KCTD21: variants seen among roughly 807,000 people sequenced by gnomAD.
KCTD21 encodes the protein BTB/POZ domain-containing protein KCTD21.
In KCTD21, 9 loss-of-function variants were observed where a neutral mutation model predicts 13.2. That is an observed-to-expected ratio of 0.68 (90% CI 0.41 to 1.19). The LOEUF (loss-of-function observed/expected upper bound fraction) is 1.19. Among genes scored for constraint, KCTD21 ranks in the 50% most tolerant of loss-of-function variants. The pLI is 0.01. For synonymous variants in KCTD21, 142 were observed against 137.4 expected (o/e 1.03, Z -0.23); for missense variants, 303 against 336.5 (o/e 0.90, Z 0.78).
rs987138614 is a variant in KCTD21 at position 78,171,673 on chromosome 11, T to G, written c.*2099A>C. 6.6e-6 allele frequency: 1 copy of G among 152,216 alleles called. No homozygotes were observed. Among genetic ancestry groups the G allele is most frequent in the African/African-American group, 2.4e-5 (1 of 41,452 alleles). The allele number at this position is 152,216 out of a possible 1,614,324, so 9.4% of individuals were successfully genotyped here. A position where few individuals can be genotyped will look rare whatever the true frequency, so the allele number is the denominator to read the frequency against. ...GGAGTCTCTCTGCAATGGCACACTCTCAGCTCACTGCAACCTCTGCTATCT... is the reference window on the plus strand; with the variant it reads ...GGAGTCTCTCTGCAATGGCACACTCGCAGCTCACTGCAACCTCTGCTATCT... On this transcript the variant is annotated 3_prime_UTR_variant, in exon 2 of 2. Transcript: ENST00000340067.
At chr11:78,176,596 C>T (rs555897988) in intron 1 of KCTD21, among the ~76,000 whole-genome samples, 1 of 152,268 alleles carries the variant, frequency 6.6e-6, no homozygotes, top group Non-Finnish European at 1.5e-5. Context: ...CAGTATTACC[C>T]CCAGAAGAGC....
At chr11:78,184,929 G>A (rs2137006321) in intron 1 of KCTD21, among the ~76,000 whole-genome samples, 1 of 151,886 alleles carries the variant, frequency 6.6e-6, no homozygotes, top group East Asian at 1.9e-4. Context: ...GTAGAGATGG[G>A]GTTTCACTAT....
rs773231656 is a variant in KCTD21, at chr11:78,174,215, T to C, written c.340A>G (p.Ile114Val). The change falls in exon 2 of 2, where the codon ATC becomes GTC. Residue 114 changes from isoleucine to valine, a missense_variant. Transcript: ENST00000340067. ...SKAEKNAMLN[I>V]TLNQRVQTVH... ...GTCTGCACACGCTGGTTCAGTGTGA[T>C]GTTGAGCATGGCATTCTTCTCGGCC... 31 of 1,613,922 alleles carry C rather than the reference T, an allele frequency of 1.9e-5. No homozygotes were observed. Among genetic ancestry groups the C allele is most frequent in the Admixed American group, 3.3e-5 (2 of 60,000 alleles).
In KCTD21 at chr11:78,173,989, AC is replaced by A. The variant is rs752249731; in HGVS notation, c.565del (p.Val189TrpfsTer40). 9.9e-6 allele frequency: 16 copies of A among 1,614,068 alleles called. No individual in the cohort carries two copies. Among genetic ancestry groups the A allele is most frequent in the Non-Finnish European group, 1.4e-5 (16 of 1,180,012 alleles). On this transcript the variant is annotated frameshift_variant, in exon 2 of 2. Coordinates refer to ENST00000340067, the MANE Select transcript of KCTD21 (RefSeq NM_001029859.3). LOFTEE classifies it high-confidence loss of function. ...QDPNHLTLDW[V>X]ANVEGLPEEE... ...CTCTGGCAGGCCCTCCACATTGGCC[AC>A]CCAGTCCAGAGTCAGGTGGTTGGGG... is the stretch of plus-strand genomic sequence containing the variant.
At chr11:78,188,243 A>G in intron 1 of KCTD21, 1 of 532,872 alleles carries the variant, frequency 1.9e-6, no homozygotes, top group South Asian at 9.1e-5. Context: ...CAAGTGCCCC[A>G]CCCCCACCTA....
chr11:78,188,342 C>T (rs1862875592), intron 1 of KCTD21: 1 of 985,276 alleles, frequency 1.0e-6, no homozygotes, highest in Non-Finnish European at 1.2e-6. Context: ...TATCACCATC[C>T]GCCCTTGCTC....
intron 1 of KCTD21, among the ~76,000 whole-genome samples, chr11:78,180,566 A>C (rs1270574108): frequency 6.6e-6 from 1 of 152,272 alleles, no homozygotes; most frequent in African/African-American, 2.4e-5. Flanking sequence ...GAAGATATGC[A>C]GATGACTGAC....
Position 78,171,366 on chromosome 11 carries a change from T to G in KCTD21, c.*2406A>C, listed in dbSNP as rs1429520279. ...TATGCCTATTTCACAGATGAAGAAA[T>G]GGAGGTGGCTCAGTGAGGTGAGTGA... is the stretch of plus-strand genomic sequence containing the variant. On this transcript the variant is annotated 3_prime_UTR_variant, in exon 2 of 2. Transcript: ENST00000340067. 1 of 152,636 alleles carries G rather than the reference T, an allele frequency of 6.6e-6. No individual in the cohort carries two copies. Among genetic ancestry groups the G allele is most frequent in the Non-Finnish European group, 1.5e-5 (1 of 68,046 alleles). 9.5% of individuals were successfully genotyped at this position (152,636 alleles called of 1,614,324 possible). A position where few individuals can be genotyped will look rare whatever the true frequency, so the allele number is the denominator to read the frequency against.
intron 1 of KCTD21, chr11:78,187,089 G>A (rs115041341): frequency 3.0e-6 from 3 of 985,336 alleles, no homozygotes; most frequent in Admixed American, 6.1e-5. Context: ...GGGAGTAAAT[G>A]CAAGGAGAGT....
In KCTD21 at chr11:78,173,775, C is replaced by G. The variant is rs1298738637; in HGVS notation, c.780G>C (p.Arg260Ser). 6.2e-7 allele frequency: 1 copy of G among 1,606,506 alleles called. No individual in the cohort carries two copies. Among genetic ancestry groups the G allele is most frequent in the Non-Finnish European group, 8.5e-7 (1 of 1,174,718 alleles). The change falls in exon 2 of 2, where the codon AGG (arginine) becomes AGC (serine). Residue 260 changes from arginine (R) to serine (S), a missense_variant. Transcript: ENST00000340067. ...NNKIIRLIRY[R>S] is the part of the protein sequence containing the mutation. ...CTCCAGTGTTGTTGGGGTCCTTTTA[C>G]CTGTACCGTATTAATCGAATAATCT...
chr11:78,176,093 C>T (rs1411012467), intron 1 of KCTD21, among the ~76,000 whole-genome samples: 1 of 152,156 alleles, frequency 6.6e-6, no homozygotes, highest in Non-Finnish European at 1.5e-5. Flanking sequence ...GCATAGTATT[C>T]CATGGTGTAT....
At chr11:78,186,710 C>T (rs1298070840) in intron 1 of KCTD21, 8 of 985,378 alleles carry the variant, frequency 8.1e-6, no homozygotes, top group South Asian at 4.7e-5. Context: ...GGGCCCTCTT[C>T]GACTTCTGCA....
chr11:78,174,748 C>A, intron 1 of KCTD21, 165 bp from the exon 2 acceptor site: 2 of 496,642 alleles, frequency 4.0e-6, no homozygotes, highest in Non-Finnish European at 7.2e-6. Context: ...ACATTAGCTT[C>A]ACTAGGGAGA....
At position 78,179,444 on chromosome 11, in the gene KCTD21, CT is replaced by C. The variant is rs559911194; in HGVS notation, c.-29-4862del. ...TCTGCCCCTAACTCTGCTGTGAACT[CT>C]TCTGAGCCACCCAACTGCCTGAGGG... On this transcript the variant is annotated intron_variant, in intron 1 of 1. Transcript: ENST00000340067. Among the ~76,000 whole-genome samples, 684 of 152,214 alleles carry C rather than the reference CT, an allele frequency of 4.5e-3. 16 individuals are homozygous for C. The highest frequency in any genetic ancestry group is 0.038 in the Admixed American group (582 of 15,286).
chr11:78,186,876 C>T (rs987461585), intron 1 of KCTD21: 108 of 985,366 alleles, frequency 1.1e-4, no homozygotes, highest in Non-Finnish European at 1.3e-4. Context: ...TAGATGGATG[C>T]CTGGCTCCCT....
At chr11:78,176,309 C>G (rs551051110) in intron 1 of KCTD21, 15 of 152,190 alleles carry the variant, frequency 9.9e-5, no homozygotes, top group African/African-American at 3.6e-4. Context: ...GTCATAACAC[C>G]CCAAGCTTCT....
At chr11:78,181,245 C>G (rs1419871906) in intron 1 of KCTD21, among the ~76,000 whole-genome samples, 1 of 152,174 alleles carries the variant, frequency 6.6e-6, no homozygotes, top group Admixed American at 6.5e-5. Flanking sequence ...GCAGCTTATT[C>G]ATAATTGCCC....
At chr11:78,187,150 A>C in intron 1 of KCTD21, 1 of 985,480 alleles carries the variant, frequency 1.0e-6, no homozygotes, top group Non-Finnish European at 1.2e-6. Context: ...ATTTCAAAAA[A>C]GACAATGCTC....
At position 78,173,841 on chromosome 11, in the gene KCTD21, G is replaced by T. The variant is rs146120097; in HGVS notation, c.714C>A (p.Ile238=). The change falls in exon 2 of 2, where the codon ATC becomes ATA. Residue 238 remains isoleucine (I), a synonymous_variant. Coordinates refer to ENST00000340067, the MANE Select transcript of KCTD21 (RefSeq NM_001029859.3). ...LKIALSDGFC[I]DSSHPHALDF... is the part of the protein sequence containing the mutation. Reference sequence around the variant, plus strand: ...CCAGAGCATGTGGGTGAGAAGAATCGATGCAGAAGCCATCGCTCAGAGCGA... The same window carrying T: ...CCAGAGCATGTGGGTGAGAAGAATCTATGCAGAAGCCATCGCTCAGAGCGA... The T allele has an allele frequency of 6.2e-7, 1 of 1,614,170 alleles. No homozygotes were observed. Among genetic ancestry groups the T allele is most frequent in the Non-Finnish European group, 8.5e-7 (1 of 1,180,032 alleles).
Sources: allele counts gnomAD v4.1 joint callset (sites outside exome capture counted in the v4.1 genomes callset), GRCh38; gene constraint gnomAD v4.1.1; transcripts MANE v1.5; gene names NCBI Gene and HGNC (gene_info 2026-07-23, HGNC 2026-07-21).